Variants in SIKE1 observed in about 807,000 individuals in gnomAD.
SIKE1 encodes the protein suppressor of IKK epsilon.
Under a neutral mutation model 25.8 loss-of-function variants are expected in SIKE1, and 13 were observed. The ratio of observed to expected loss-of-function variants is 0.50; its 90% CI spans 0.33 to 0.80. The LOEUF (loss-of-function observed/expected upper bound fraction) is 0.80. Among genes scored for constraint, SIKE1 ranks in the 30% least tolerant of loss-of-function variants. SIKE1 has a pLI of 0.02. For synonymous variants in SIKE1, 86 were observed against 95.5 expected (o/e 0.90, Z 0.58); for missense variants, 222 against 252.4 (o/e 0.88, Z 0.82).
At position 114,774,071 on chromosome 1, in the gene SIKE1, A is replaced by G; in HGVS notation, c.*200T>C. On this transcript the variant is annotated 3_prime_UTR_variant, in exon 5 of 5. Coordinates refer to ENST00000060969, the MANE Select transcript of SIKE1 (RefSeq NM_025073.3). Reference sequence around the variant, plus strand: ...AGTCTCTTTGAGAAAGGAATGGTGAAATTCAGCATGTAGTATTCACATTAA... The same window carrying G: ...AGTCTCTTTGAGAAAGGAATGGTGAGATTCAGCATGTAGTATTCACATTAA... 1 of 381,138 alleles carries G rather than the reference A, an allele frequency of 2.6e-6. No individual in the cohort carries two copies. Among genetic ancestry groups the G allele is most frequent in the Admixed American group, 4.4e-5 (1 of 22,840 alleles). The allele number at this position is 381,138 out of a possible 1,614,324, so 23.6% of individuals were successfully genotyped here.
At chr1:114,780,049 T>G in intron 2 of SIKE1, 61 bp downstream of exon 2, 1 of 1,191,276 alleles carries the variant, frequency 8.4e-7, no homozygotes, top group Non-Finnish European at 1.2e-6. Flanking sequence ...CTTTTGTAAA[T>G]GTTTAGGGCA....
rs749177763 is a variant in SIKE1, at chr1:114,771,525, A to C, written c.*2746T>G. ...GCAAAATGAGGTACAGTTAAAATGG[A>C]GTTTATATAATACAGTACCTGACAG... On this transcript the variant is annotated 3_prime_UTR_variant, in exon 5 of 5. Transcript: ENST00000060969. 1.4e-4 allele frequency: 22 copies of C among 152,172 alleles called. No individual in the cohort carries two copies. Among genetic ancestry groups the C allele is most frequent in the Non-Finnish European group, 3.1e-4 (21 of 68,038 alleles). The allele number at this position is 152,172 out of a possible 1,614,324, so 9.4% of individuals were successfully genotyped here.
At position 114,780,601 on chromosome 1, in the gene SIKE1, A is replaced by T; in HGVS notation, c.7T>A (p.Cys3Ser). 6.2e-7 allele frequency: 1 copy of T among 1,606,888 alleles called. No individual in the cohort carries two copies. Among genetic ancestry groups the T allele is most frequent in the Non-Finnish European group, 8.5e-7 (1 of 1,177,102 alleles). Residue 3 changes from cysteine (C) to serine (S), a missense_variant, in exon 1 of 5, where the codon TGC becomes AGC. Coordinates refer to ENST00000060969, the MANE Select transcript of SIKE1 (RefSeq NM_025073.3). Reference protein sequence around the residue: MSCTIEKILTDAK... With the variant: MSSTIEKILTDAK... ...TCTGTCAGGATCTTCTCGATGGTGC[A>T]GCTCATAGCAGCAGCACCACCCCAG...
rs1175171883 is a variant in SIKE1 at position 114,780,144 on chromosome 1, G to A, written c.231C>T (p.Asn77=). ...YKPHILLSQE[N]TQIRDLQQEN... ...CCTGTTGCAAGTCTCTAATCTGTGTGTTCTCTTGGGACAGCAGAATGTGAG... is the reference window on the plus strand; with the variant it reads ...CCTGTTGCAAGTCTCTAATCTGTGTATTCTCTTGGGACAGCAGAATGTGAG... The change falls in exon 2 of 5, where the codon AAC becomes AAT. Residue 77 remains asparagine (N), a synonymous_variant. Coordinates refer to ENST00000060969, the MANE Select transcript of SIKE1 (RefSeq NM_025073.3). 3 of 1,613,774 alleles carry A rather than the reference G, an allele frequency of 1.9e-6. No individual in the cohort carries two copies. Among genetic ancestry groups the A allele is most frequent in the Admixed American group, 1.7e-5 (1 of 59,948 alleles).
intron 4 of SIKE1, among the ~76,000 whole-genome samples, chr1:114,775,716 A>C (rs1451312356): frequency 1.3e-5 from 2 of 152,106 alleles, no homozygotes; most frequent in African/African-American, 2.4e-5. Context: ...CATGTTGCCC[A>C]AGCTGCTCTT....
chr1:114,775,240 C>T (rs1184674053), intron 4 of SIKE1, among the ~76,000 whole-genome samples: 1 of 152,140 alleles, frequency 6.6e-6, no homozygotes, highest in East Asian at 1.9e-4. Flanking sequence ...TTTAGCTTCA[C>T]CAAGATGTGC....
chr1:114,777,834 AT>A (rs1179830626), intron 3 of SIKE1, among the ~76,000 whole-genome samples: 1 of 152,146 alleles, frequency 6.6e-6, no homozygotes, highest in African/African-American at 2.4e-5. Flanking sequence ...GAAAAAAAAA[AT>A]CAATTGTAGT....
intron 3 of SIKE1, 137 bp downstream of exon 3, chr1:114,779,005 C>G (rs1229421568): frequency 9.7e-7 from 1 of 1,028,054 alleles, no homozygotes; most frequent in East Asian, 2.4e-5. Flanking sequence ...TGCAGTGAGC[C>G]GAGATCGTGC....
chr1:114,771,184 T>A lies in SIKE1; in HGVS notation c.*3087A>T, dbSNP rs996956947. On this transcript the variant is annotated 3_prime_UTR_variant, in exon 5 of 5. Transcript: ENST00000060969. ...AGACAGAACTGCACCTTTTCCTGTA[T>A]ATAGTAAGAGTCACTGATTAAACAT... The A allele has an allele frequency of 1.3e-5, 2 of 152,226 alleles. No homozygotes were observed. Among genetic ancestry groups the A allele is most frequent in the African/African-American group, 4.8e-5 (2 of 41,466 alleles). 9.4% of individuals were successfully genotyped at this position (152,226 alleles called of 1,614,324 possible). A position where few individuals can be genotyped will look rare whatever the true frequency, so the allele number is the denominator to read the frequency against.
rs2101126576 is a variant in SIKE1, at chr1:114,773,704, A to C, written c.*567T>G. On this transcript the variant is annotated 3_prime_UTR_variant, in exon 5 of 5. Transcript: ENST00000060969. ...CCTGGGACTAGCAGTAGGTTCTCTC[A>C]AATTAAAAGTAAAGGCACCAGGCTA... is the stretch of plus-strand genomic sequence containing the variant. The C allele has an allele frequency of 6.5e-6, 1 of 152,750 alleles. No homozygotes were observed. The highest frequency in any genetic ancestry group is 2.1e-4 in the South Asian group (1 of 4,832). The allele number at this position is 152,750 out of a possible 1,614,324, so 9.5% of individuals were successfully genotyped here.
At chr1:114,776,646 A>AT (rs1424882492) in intron 3 of SIKE1, among the ~76,000 whole-genome samples, 187 bp from the exon 4 acceptor site, 15 of 123,154 alleles carry the variant, frequency 1.2e-4, no homozygotes, top group African/African-American at 5.2e-4. Flanking sequence ...GTATTCACGG[A>AT]TATTTTTTTT....
intron 4 of SIKE1, 33 bp from the exon 5 acceptor site, chr1:114,774,405 T>A: frequency 6.8e-7 from 1 of 1,463,650 alleles, no homozygotes; most frequent in South Asian, 1.2e-5. Flanking sequence ...ATTTCTGGTA[T>A]TTTTACTGTC....
chr1:114,774,306 T>G lies in SIKE1; in HGVS notation c.589A>C (p.Asn197His). 6.2e-7 allele frequency: 1 copy of G among 1,612,688 alleles called. No homozygotes were observed. Residue 197 changes from asparagine to histidine, a missense_variant, in exon 5 of 5, where the codon AAC (asparagine) becomes CAC (histidine). Coordinates refer to ENST00000060969, the MANE Select transcript of SIKE1 (RefSeq NM_025073.3). Reference sequence around the variant, plus strand: ...GCTTGGGAAGCAGTGTCCATTGAGTTTTCCTTTCTGGCTTGAAGAGACTCA... The same window carrying G: ...GCTTGGGAAGCAGTGTCCATTGAGTGTTCCTTTCTGGCTTGAAGAGACTCA... ...SSESLQARKENSMDTASQAIK is the reference protein window; with the variant it reads ...SSESLQARKEHSMDTASQAIK
In SIKE1 at chr1:114,769,919, A is replaced by G. The variant is rs980414526; in HGVS notation, c.*4352T>C. On this transcript the variant is annotated 3_prime_UTR_variant, in exon 5 of 5. Transcript: ENST00000060969. ...TAAGCATCAAATATTACATTTAAAT[A>G]TAAGTCCCAAATTATGTATAAAGTG... 4 of 152,240 alleles carry G rather than the reference A, an allele frequency of 2.6e-5. No homozygotes were observed. The highest frequency in any genetic ancestry group is 4.8e-5 in the African/African-American group (2 of 41,474). The allele number at this position is 152,240 out of a possible 1,614,324, so 9.4% of individuals were successfully genotyped here.
At position 114,770,434 on chromosome 1, in the gene SIKE1, T is replaced by C. The variant is rs1662038126; in HGVS notation, c.*3837A>G. On this transcript the variant is annotated 3_prime_UTR_variant, in exon 5 of 5. Transcript: ENST00000060969. ...AAAAAATAGAATTAGAGGTTATCGC[T>C]AACTAAATCACTTTTGCTGTACCTC... 1 of 152,212 alleles carries C rather than the reference T, an allele frequency of 6.6e-6. No homozygotes were observed. Among genetic ancestry groups the C allele is most frequent in the African/African-American group, 2.4e-5 (1 of 41,448 alleles). 9.4% of individuals were successfully genotyped at this position (152,212 alleles called of 1,614,324 possible).
chr1:114,780,643 C>G lies in SIKE1; in HGVS notation c.-36G>C. On this transcript the variant is annotated 5_prime_UTR_variant, in exon 1 of 5. An upstream open reading frame in the 5' UTR loses its in-frame stop. Coordinates refer to ENST00000060969, the MANE Select transcript of SIKE1 (RefSeq NM_025073.3). ...CCACCCCAGCCCCTGCCGGGCTCAG[C>G]TACGCGACTCGCTCAGATCTTCTGG... The G allele has an allele frequency of 6.5e-7, 1 of 1,535,680 alleles. No individual in the cohort carries two copies. The highest frequency in any genetic ancestry group is 8.8e-7 in the Non-Finnish European group (1 of 1,130,144).
At chr1:114,778,541 A>G (rs888797838) in intron 3 of SIKE1, among the ~76,000 whole-genome samples, 1 of 152,164 alleles carries the variant, frequency 6.6e-6, no homozygotes, top group African/African-American at 2.4e-5. Flanking sequence ...GTTTGGTGGG[A>G]GCGCTAAGAA....
rs796223209 is a variant in SIKE1 at position 114,772,033 on chromosome 1, A to G, written c.*2238T>C. 9.2e-5 allele frequency: 14 copies of G among 152,316 alleles called. No homozygotes were observed. Among genetic ancestry groups the G allele is most frequent in the African/African-American group, 3.4e-4 (14 of 41,572 alleles). 9.4% of individuals were successfully genotyped at this position (152,316 alleles called of 1,614,324 possible). A position where few individuals can be genotyped will look rare whatever the true frequency, so the allele number is the denominator to read the frequency against. On this transcript the variant is annotated 3_prime_UTR_variant, in exon 5 of 5. Coordinates refer to ENST00000060969, the MANE Select transcript of SIKE1 (RefSeq NM_025073.3). ...ATCCAATTATGCATAAGGTATTAATATAAGAATTATACATAAGATATTGAT... is the reference window on the plus strand; with the variant it reads ...ATCCAATTATGCATAAGGTATTAATGTAAGAATTATACATAAGATATTGAT...
chr1:114,778,845 G>T, intron 3 of SIKE1: 1 of 374,220 alleles, frequency 2.7e-6, no homozygotes, highest in South Asian at 3.4e-5. Context: ...GGGCAACATG[G>T]CGAAATGTCA....
Sources: gnomAD v4.1 joint callset for allele counts (sites outside exome capture counted in the v4.1 genomes callset) on GRCh38, gnomAD v4.1.1 for gene constraint, MANE v1.5 for transcripts, NCBI Gene and HGNC (gene_info 2026-07-23, HGNC 2026-07-21) for gene names.